Variants in PEX1 observed in about 807,000 individuals in gnomAD.
PEX1 encodes peroxisomal ATPase PEX1.
PEX1 carries 97 observed loss-of-function variants against 152.5 expected under a neutral mutation model. That is an observed-to-expected ratio of 0.64 (90% CI 0.54 to 0.75). The LOEUF (loss-of-function observed/expected upper bound fraction) is 0.75, where lower values mean the gene tolerates loss of function less well. PEX1 is among the 30% of genes least tolerant of loss of function. PEX1 has a pLI of 0.00. For missense variants in PEX1, 1,357 were observed against 1,516.3 expected (o/e 0.89, Z 1.74); for synonymous variants, 485 against 531.6 (o/e 0.91, Z 1.21).
rs112420805 is a variant in PEX1 at position 92,513,807 on chromosome 7, G to A, written c.1359+41C>T. 4.1e-4 allele frequency: 604 copies of A among 1,457,892 alleles called. 3 individuals are homozygous for A. The African/African-American group carries it at 7.4e-3, about 18-fold the overall frequency. 90.3% of individuals were successfully genotyped at this position (1,457,892 alleles called of 1,614,324 possible). A position where few individuals can be genotyped will look rare whatever the true frequency, so the allele number is the denominator to read the frequency against. On this transcript the variant is annotated intron_variant, in intron 6 of 23. Transcript: ENST00000248633. ...AAAGCAACTAGAAATCTTACAAAAC[G>A]TGTAAAAGAATTTTGATGTAACATA... is the stretch of plus-strand genomic sequence containing the variant.
At chr7:92,522,690 T>C (rs908118283) in intron 1 of PEX1, among the ~76,000 whole-genome samples, 1 of 152,212 alleles carries the variant, frequency 6.6e-6, no homozygotes, top group Non-Finnish European at 1.5e-5. Flanking sequence ...AAATAAGATA[T>C]AAATTTACTA....
Position 92,511,245 on chromosome 7 carries a change from C to T in PEX1, c.1484-198G>A, listed in dbSNP as rs761804381. On this transcript the variant is annotated intron_variant, in intron 7 of 23. Coordinates refer to ENST00000248633, the MANE Select transcript of PEX1 (RefSeq NM_000466.3). Reference sequence around the variant, plus strand: ...GCTCAAGTGATCCTTCTGCCTCAGCCTCCCAAGTAGCTGGGACTACAGGCA... The same window carrying T: ...GCTCAAGTGATCCTTCTGCCTCAGCTTCCCAAGTAGCTGGGACTACAGGCA... Among the ~76,000 whole-genome samples the T allele has an allele frequency of 4.6e-5, 7 of 152,100 alleles. No individual in the cohort carries two copies. The East Asian group carries it at 1.2e-3, about 25-fold the overall frequency.
At position 92,491,501 on chromosome 7, in the gene PEX1, T is replaced by G. The variant is rs760427473; in HGVS notation, c.3209A>C (p.Asp1070Ala). 1.3e-6 allele frequency: 2 copies of G among 1,587,546 alleles called. No homozygotes were observed. The highest frequency in any genetic ancestry group is 3.3e-5 in the Admixed American group (2 of 59,962). ...GTCACTATCAGAGCTGGAACTTCCA[T>G]CCTAAAATACACAAAAGGACAACCA... Reference protein sequence around the residue: ...HGMLLSSGLQDGSSSSDSDLS... With the variant: ...HGMLLSSGLQAGSSSSDSDLS... The change falls in exon 21 of 24, where the codon GAT becomes GCT. Residue 1070 changes from aspartate to alanine, a missense_variant and splice_region_variant. Asp to Ala is a moderately radical substitution (Grantham distance 126). Coordinates refer to ENST00000248633, the MANE Select transcript of PEX1 (RefSeq NM_000466.3).
intron 16 of PEX1, among the ~76,000 whole-genome samples, chr7:92,498,344 A>G (rs1160387382): frequency 6.7e-6 from 1 of 150,294 alleles, no homozygotes; most frequent in East Asian, 2.0e-4. Flanking sequence ...TCTCTACTAA[A>G]AATACAAAAA....
At position 92,494,573 on chromosome 7, in the gene PEX1, G is replaced by C. The variant is rs1283888115; in HGVS notation, c.2840C>G (p.Pro947Arg). Residue 947 changes from proline (P) to arginine (R), a missense_variant, in exon 18 of 24, where the codon CCT becomes CGT. Transcript: ENST00000248633. ...TCCTGTATTATCATGACCCCGCCGA[G>C]GAGCAATGGATTCAAATTCATCAAA... ...LFFDEFESIA[P>R]RRGHDNTGVT... 6.2e-7 allele frequency: 1 copy of C among 1,613,854 alleles called. No individual in the cohort carries two copies.
chr7:92,507,066 G>T lies in PEX1; in HGVS notation c.1731C>A (p.Arg577=). The change falls in exon 10 of 24, where the codon CGC becomes CGA. Residue 577 remains arginine, a synonymous_variant. Coordinates refer to ENST00000248633, the MANE Select transcript of PEX1 (RefSeq NM_000466.3). ...GAGACATCAGCTGCCGAGACAAAGG[G>T]CGTCCCAGGAGGCTGTGAGTGATGT... ...LEHITHSLLG[R]PLSRQLMSLV... 6.2e-7 allele frequency: 1 copy of T among 1,613,938 alleles called. No homozygotes were observed. Among genetic ancestry groups the T allele is most frequent in the South Asian group, 1.1e-5 (1 of 91,070 alleles).
intron 13 of PEX1, 76 bp downstream of exon 13, chr7:92,502,965 C>T (rs879484081): frequency 9.9e-5 from 125 of 1,265,028 alleles, no homozygotes; most frequent in Admixed American, 1.4e-4. Flanking sequence ...TTTAAAGCCA[C>T]GAATTACTAA....
intron 13 of PEX1, 110 bp from the exon 14 acceptor site, chr7:92,502,189 T>G (rs1014503930): frequency 2.6e-6 from 2 of 765,680 alleles, no homozygotes; most frequent in Middle Eastern, 3.9e-4. Flanking sequence ...AGAAAGCAAA[T>G]TGGTAGTTGT....
intron 16 of PEX1, among the ~76,000 whole-genome samples, chr7:92,498,068 GAAAAAAAA>G (rs781116048): frequency 9.8e-5 from 5 of 51,030 alleles, no homozygotes; most frequent in East Asian, 1.2e-3. Context: ...CAGTCTCAGA[GAAAAAAAA>G]AAAAAAAAAA....
In PEX1 at chr7:92,527,436, G is replaced by T. The variant is rs142438314; in HGVS notation, c.129+871C>A. ...AAAATAATAACGACGATGATAGGAGGATTCTGCTGAACTCATGTTTTCAGT... is the reference window on the plus strand; with the variant it reads ...AAAATAATAACGACGATGATAGGAGTATTCTGCTGAACTCATGTTTTCAGT... On this transcript the variant is annotated intron_variant, in intron 1 of 23. Coordinates refer to ENST00000248633, the MANE Select transcript of PEX1 (RefSeq NM_000466.3). Among the ~76,000 whole-genome samples, 586 of 152,272 alleles carry T rather than the reference G, an allele frequency of 3.8e-3. 4 individuals carry two copies. The highest frequency in any genetic ancestry group is 6.3e-3 in the Non-Finnish European group (431 of 68,028).
chr7:92,506,863 CAT>C lies in PEX1; in HGVS notation c.1803+129_1803+130del, dbSNP rs1281646132. On this transcript the variant is annotated intron_variant, in intron 10 of 23. Transcript: ENST00000248633. ...TATTAGTGAATAAATGAATGCTTTC[CAT>C]ATGTCGTATAAACCCTATATAATAG... 7.0e-6 allele frequency: 6 copies of C among 855,996 alleles called. No homozygotes were observed. The African/African-American group carries it at 8.5e-5, about 12-fold the overall frequency. 53.0% of individuals were successfully genotyped at this position (855,996 alleles called of 1,614,324 possible).
chr7:92,507,492 C>T (rs1427948685), intron 9 of PEX1: 2 of 238,108 alleles, frequency 8.4e-6, no homozygotes, highest in Non-Finnish European at 1.7e-5. Context: ...CTCAAGTGAT[C>T]CATCTGCCTC....
intron 1 of PEX1, among the ~76,000 whole-genome samples, chr7:92,527,490 G>C (rs1486518096): frequency 3.3e-5 from 5 of 152,150 alleles, no homozygotes; most frequent in Non-Finnish European, 7.4e-5. Flanking sequence ...CCTAGGTATG[G>C]GGAAGTAACT....
At chr7:92,512,946 G>A (rs1446804804) in intron 6 of PEX1, among the ~76,000 whole-genome samples, 1 of 151,976 alleles carries the variant, frequency 6.6e-6, no homozygotes, top group African/African-American at 2.4e-5. Context: ...AGATCTTTAA[G>A]TTCAATATCT....
rs1435972041 is a variant in PEX1 at position 92,499,276 on chromosome 7, CATT to C, written c.2718+425_2718+427del. 2.6e-5 allele frequency among the ~76,000 whole-genome samples: 4 copies of C among 152,270 alleles called. No homozygotes were observed. The East Asian group carries it at 7.7e-4, about 29-fold the overall frequency. On this transcript the variant is annotated intron_variant, in intron 16 of 23. Coordinates refer to ENST00000248633, the MANE Select transcript of PEX1 (RefSeq NM_000466.3). ...ATTTGTGCATGAATATTTACAGCAA[CATT>C]ATTCATAATAGTCAAAAGGTAGAAA...
intron 1 of PEX1, among the ~76,000 whole-genome samples, chr7:92,525,659 G>C (rs1793233433): frequency 6.6e-6 from 1 of 152,166 alleles, no homozygotes; most frequent in Non-Finnish European, 1.5e-5. Context: ...ATGTACAGGA[G>C]AGCCCCCAAA....
intron 5 of PEX1, among the ~76,000 whole-genome samples, chr7:92,514,672 C>A (rs1482370626): frequency 6.6e-6 from 1 of 152,110 alleles, no homozygotes; most frequent in Non-Finnish European, 1.5e-5. Flanking sequence ...TCTCCCACCC[C>A]CTAATGAAAA....
Position 92,528,485 on chromosome 7 carries a change from C to T in PEX1, c.-50G>A. 1 of 1,517,596 alleles carries T rather than the reference C, an allele frequency of 6.6e-7. No individual in the cohort carries two copies. Among genetic ancestry groups the T allele is most frequent in the Non-Finnish European group, 8.8e-7 (1 of 1,132,752 alleles). 94.0% of individuals were successfully genotyped at this position (1,517,596 alleles called of 1,614,324 possible). ...CGCCCACCCTAGCGCCGCAAAGGAC[C>T]CGGGACCCGGCAGGCCGAGGACGTC... On this transcript the variant is annotated 5_prime_UTR_variant, in exon 1 of 24. Transcript: ENST00000248633.
At chr7:92,511,742 C>T in intron 6 of PEX1, 39 bp from the exon 7 acceptor site, 1 of 1,585,414 alleles carries the variant, frequency 6.3e-7, no homozygotes, top group Non-Finnish European at 8.6e-7. Flanking sequence ...ATCCTCATAT[C>T]TGAACTTAAC....
Sources: gnomAD v4.1 joint callset for allele counts (sites outside exome capture counted in the v4.1 genomes callset) on GRCh38, gnomAD v4.1.1 for gene constraint, MANE v1.5 for transcripts, NCBI Gene and HGNC (gene_info 2026-07-23, HGNC 2026-07-21) for gene names.